PCDHGB6: variants seen among roughly 807,000 people sequenced by gnomAD.
PCDHGB6 encodes protocadherin gamma subfamily B, 6.
Under a neutral mutation model 59.1 loss-of-function variants are expected in PCDHGB6, and 51 were observed. The observed-to-expected ratio is 0.86, with a 90% CI of 0.69 to 1.09. The LOEUF (loss-of-function observed/expected upper bound fraction) is 1.09, where lower values mean the gene tolerates loss of function less well. Among genes scored for constraint, PCDHGB6 ranks in the 50% least tolerant of loss-of-function variants. The probability of loss-of-function intolerance (pLI) is 0.00; values close to 1 mark genes in which losing one functional copy is unlikely to be tolerated. For missense variants in PCDHGB6, 1,148 were observed against 1,205.1 expected (o/e 0.95, Z 0.70); for synonymous variants, 466 against 495.1 (o/e 0.94, Z 0.78).
intron 3 of PCDHGB6, 146 bp from the exon 4 acceptor site, chr5:141,510,801 A>G: frequency 6.7e-7 from 1 of 1,489,832 alleles, no homozygotes; most frequent in Non-Finnish European, 9.1e-7. Flanking sequence ...AAGAGAGACT[A>G]CCTTGGTGAC....
At chr5:141,494,181 C>T (rs2099752517) in intron 1 of PCDHGB6, among the ~76,000 whole-genome samples, 1 of 152,136 alleles carries the variant, frequency 6.6e-6, no homozygotes, top group Non-Finnish European at 1.5e-5. Flanking sequence ...GAGAAGTGTC[C>T]CGGGACTTGG....
intron 1 of PCDHGB6, chr5:141,413,905 C>G: frequency 6.2e-7 from 1 of 1,613,338 alleles, no homozygotes; most frequent in Non-Finnish European, 8.5e-7. Context: ...TGACAACGCG[C>G]CGGTCTTCAC....
chr5:141,426,317 C>A, intron 1 of PCDHGB6: 1 of 173,952 alleles, frequency 5.7e-6, no homozygotes, highest in African/African-American at 2.4e-5. Flanking sequence ...AGAAGCAGGA[C>A]CCGGCAGTGG....
In PCDHGB6 at chr5:141,485,961, A is replaced by C. The variant is rs766687554; in HGVS notation, c.2419-8846A>C. ...GCACCAGCGGGCATGGTGCTCATCC[A>C]GCTCAATGCCTCAGACCCGGACCTG... On this transcript the variant is annotated intron_variant, in intron 1 of 3. Coordinates refer to ENST00000520790, the MANE Select transcript of PCDHGB6 (RefSeq NM_018926.3). The surrounding 1 kb of genome is among the most constrained non-coding windows in gnomAD (Gnocchi z 5.7). 6.2e-7 allele frequency: 1 copy of C among 1,614,204 alleles called. No homozygotes were observed. The highest frequency in any genetic ancestry group is 1.1e-5 in the South Asian group (1 of 91,090).
chr5:141,502,634 T>C (rs1306951640), intron 2 of PCDHGB6, among the ~76,000 whole-genome samples: 1 of 152,228 alleles, frequency 6.6e-6, no homozygotes. Flanking sequence ...CTGTGGATGA[T>C]ACTTTGAGAT....
chr5:141,427,224 A>G (rs1269896138), intron 1 of PCDHGB6: 1 of 456,768 alleles, frequency 2.2e-6, no homozygotes, highest in East Asian at 6.9e-5. Context: ...TAGCAGTTAT[A>G]CCATGAGAGT....
rs1027344375 is a variant in PCDHGB6 at position 141,409,818 on chromosome 5, C to T, written c.1616C>T (p.Ser539Leu). 2 of 1,610,918 alleles carry T rather than the reference C, an allele frequency of 1.2e-6. No homozygotes were observed. Among genetic ancestry groups the T allele is most frequent in the Non-Finnish European group, 1.7e-6 (2 of 1,178,892 alleles). Residue 539 changes from serine (S) to leucine (L), a missense_variant, in exon 1 of 4, where the codon TCG becomes TTG. By Grantham distance (145) the Ser-to-Leu change is moderately radical. Around this residue, in one of 5 missense-constraint regions of PCDHGB6, gnomAD observed 549 missense variants for 527.5 expected, o/e 1.04. Transcript: ENST00000520790. The stretch of plus-strand genomic sequence containing the variant: ...ACGCTGCAGGCCCGCGACCACGGCT[C>T]GCCCACGCTCAGCGCCAACGTGAGC... ...ALTLQARDHG[S>L]PTLSANVSLR...
intron 1 of PCDHGB6, chr5:141,478,233 TG>T (rs1467423955): frequency 3.7e-6 from 6 of 1,614,126 alleles, no homozygotes; most frequent in Non-Finnish European, 5.1e-6. Flanking sequence ...GTGGGGTTTG[TG>T]GTCACAGTGT....
chr5:141,464,524 T>C (rs2099086175), intron 1 of PCDHGB6, among the ~76,000 whole-genome samples: 1 of 152,094 alleles, frequency 6.6e-6, no homozygotes, highest in Non-Finnish European at 1.5e-5. Context: ...AAGGCATATG[T>C]AGTTTTGTTA....
rs1306210256 is a variant in PCDHGB6, at chr5:141,410,119, C to T, written c.1917C>T (p.Arg639=). ...CCTTAGGCGACAGGGACGCAGCCCG[C>T]CAGCGCCTGCTGGTCGCTGTGCGTG... ...ARALGDRDAA[R]QRLLVAVRDG... The change falls in exon 1 of 4, where the codon CGC becomes CGT. Residue 639 remains arginine, a synonymous_variant. Transcript: ENST00000520790. The T allele has an allele frequency of 1.2e-6, 2 of 1,612,822 alleles. No homozygotes were observed. The highest frequency in any genetic ancestry group is 1.7e-4 in the Middle Eastern group (1 of 5,994).
chr5:141,503,401 C>A (rs987421198), intron 2 of PCDHGB6, among the ~76,000 whole-genome samples: 15 of 151,848 alleles, frequency 9.9e-5, no homozygotes, highest in Non-Finnish European at 1.9e-4. Context: ...TCGAAACCAA[C>A]CTGGCCAATA....
intron 2 of PCDHGB6, among the ~76,000 whole-genome samples, chr5:141,497,614 A>C (rs1377740795): frequency 6.8e-6 from 1 of 146,530 alleles, no homozygotes; most frequent in African/African-American, 2.6e-5. Context: ...ATCTTGGCTC[A>C]CTGCAACCTC....
chr5:141,414,868 G>C, intron 1 of PCDHGB6: 1 of 1,614,216 alleles, frequency 6.2e-7, no homozygotes, highest in Non-Finnish European at 8.5e-7. Flanking sequence ...CAATGCGCCC[G>C]AGATCCTGTA....
At position 141,476,645 on chromosome 5, in the gene PCDHGB6, A is replaced by G. The variant is rs150444699; in HGVS notation, c.2419-18162A>G. The G allele has an allele frequency of 1.2e-4, 199 of 1,614,128 alleles. No homozygotes were observed. Among genetic ancestry groups the G allele is most frequent in the Non-Finnish European group, 1.6e-4 (194 of 1,180,060 alleles). ...TTTACAAACCTATGAGCTGAGCCGA[A>G]ATGAATACTTTGCGCTTCGCGTGCA... On this transcript the variant is annotated intron_variant, in intron 1 of 3. Transcript: ENST00000520790. The surrounding 1 kb of genome is among the most constrained non-coding windows in gnomAD (Gnocchi z 7.6).
Position 141,434,451 on chromosome 5 carries a change from A to T in PCDHGB6, c.2418+23831A>T, listed in dbSNP as rs145324240. 3.9e-3 allele frequency among the ~76,000 whole-genome samples: 589 copies of T among 152,326 alleles called. 6 individuals carry two copies. The highest frequency in any genetic ancestry group is 0.011 in the Admixed American group (170 of 15,298). ...GGCCGTAATGCCCATGCTGGAAGGTAGTGGGTTTACCGGAATGAGGGCAAG... is the reference window on the plus strand; with the variant it reads ...GGCCGTAATGCCCATGCTGGAAGGTTGTGGGTTTACCGGAATGAGGGCAAG... On this transcript the variant is annotated intron_variant, in intron 1 of 3. Transcript: ENST00000520790.
Position 141,489,407 on chromosome 5 carries a change from T to C in PCDHGB6, c.2419-5400T>C. On this transcript the variant is annotated intron_variant, in intron 1 of 3. Transcript: ENST00000520790. This position sits in a 1 kb window ranked among gnomAD's most constrained non-coding sequence, Gnocchi z 4.5. ...GTTGCTCAGGATCTGGGCTTAAAGA[T>C]GACAGATCTGTTGAGCCGGCGGCTG... 6.2e-7 allele frequency: 1 copy of C among 1,614,140 alleles called. No individual in the cohort carries two copies.
chr5:141,417,211 T>C (rs1027777607), intron 1 of PCDHGB6: 1 of 152,174 alleles, frequency 6.6e-6, no homozygotes, highest in Admixed American at 6.5e-5. Context: ...TAGGCTAGAA[T>C]TGAAGACAAA....
chr5:141,491,571 C>CT lies in PCDHGB6; in HGVS notation c.2419-3232dup. On this transcript the variant is annotated intron_variant, in intron 1 of 3. Coordinates refer to ENST00000520790, the MANE Select transcript of PCDHGB6 (RefSeq NM_018926.3). The surrounding 1 kb of genome is among the most constrained non-coding windows in gnomAD (Gnocchi z 6.9). ...CGCAGAGCCACTGCTACAGGACGTG[C>CT]TTTTCACCGGCCTCGGACGGCAGTG... 6.2e-7 allele frequency: 1 copy of CT among 1,614,026 alleles called. No homozygotes were observed. Among genetic ancestry groups the CT allele is most frequent in the Non-Finnish European group, 8.5e-7 (1 of 1,180,042 alleles).
In PCDHGB6 at chr5:141,409,402, C is replaced by G. The variant is rs2095262140; in HGVS notation, c.1200C>G (p.Asn400Lys). The stretch of plus-strand genomic sequence containing the variant: ...TCAAGATTTATTCTTCTTCCAATAA[C>G]TACTACAAACTGGTGACAGATGGAG... ...IPFKIYSSSN[N>K]YYKLVTDGAL... The change falls in exon 1 of 4, where the codon AAC (asparagine) becomes AAG (lysine). Residue 400 changes from asparagine to lysine, a missense_variant. By Grantham distance (94) the Asn-to-Lys change is moderately conservative. Around this residue, in one of 5 missense-constraint regions of PCDHGB6, gnomAD observed 549 missense variants for 527.5 expected, o/e 1.04. Transcript: ENST00000520790. 1.2e-6 allele frequency: 2 copies of G among 1,613,924 alleles called. No homozygotes were observed. Among genetic ancestry groups the G allele is most frequent in the Non-Finnish European group, 8.5e-7 (1 of 1,179,910 alleles).
Sources: allele counts gnomAD v4.1 joint callset (sites outside exome capture counted in the v4.1 genomes callset), GRCh38; gene constraint gnomAD v4.1.1; regional missense constraint gnomAD v4.1.1; non-coding constraint Gnocchi (gnomAD v3.1); transcripts MANE v1.5; gene names NCBI Gene and HGNC (gene_info 2026-07-23, HGNC 2026-07-21).